The following IPO11 variants were observed in gnomAD, a reference collection of about 807,000 sequenced individuals.
IPO11 encodes the protein importin-11.
Under a neutral mutation model 143.2 loss-of-function variants are expected in IPO11, and 66 were observed. The ratio of observed to expected loss-of-function variants is 0.46; its 90% CI spans 0.38 to 0.57. IPO11 has a LOEUF of 0.57. Ranked by LOEUF, IPO11 falls within the 20% of genes least tolerant of loss-of-function variation. The pLI is 0.00. For synonymous variants in IPO11, 385 were observed against 377.8 expected (o/e 1.02, Z -0.22); for missense variants, 1,026 against 1,141.0 (o/e 0.90, Z 1.45).
At chr5:62,566,941 C>T (rs1176302133) in intron 27 of IPO11, among the ~76,000 whole-genome samples, 1 of 152,092 alleles carries the variant, frequency 6.6e-6, no homozygotes, top group Non-Finnish European at 1.5e-5. Flanking sequence ...GATCCTCCCA[C>T]CTCAGCCTCC....
chr5:62,446,291 C>T (rs987530791), intron 3 of IPO11, among the ~76,000 whole-genome samples: 2 of 152,166 alleles, frequency 1.3e-5, no homozygotes, highest in Non-Finnish European at 2.9e-5. Context: ...TTATAGCACT[C>T]CAGAAACTTT....
At chr5:62,613,532 A>G (rs916860442) in intron 29 of IPO11, among the ~76,000 whole-genome samples, 10 of 151,760 alleles carry the variant, frequency 6.6e-5, no homozygotes, top group Admixed American at 6.6e-5. Flanking sequence ...TGAACTCCCA[A>G]GCTCAGGCAA....
chr5:62,476,780 C>A, intron 9 of IPO11, 27 bp downstream of exon 9: 1 of 1,481,084 alleles, frequency 6.8e-7, no homozygotes, highest in South Asian at 1.3e-5. Context: ...CTTGTTTTCT[C>A]AAATATAATA....
chr5:62,483,059 G>C (rs747556561), intron 9 of IPO11, 42 bp from the exon 10 acceptor site: 1 of 1,236,194 alleles, frequency 8.1e-7, no homozygotes, highest in South Asian at 1.4e-5. Context: ...TATGAATTTG[G>C]GGAAAATACA....
chr5:62,550,501 T>G (rs1206864733), intron 25 of IPO11, 39 bp downstream of exon 25: 2 of 1,325,464 alleles, frequency 1.5e-6, no homozygotes, highest in Admixed American at 3.7e-5. Flanking sequence ...AGTGTTAGAC[T>G]ATAGGATTCT....
At chr5:62,538,782 C>T (rs1472832179) in intron 24 of IPO11, among the ~76,000 whole-genome samples, 2 of 152,190 alleles carry the variant, frequency 1.3e-5, no homozygotes, top group African/African-American at 2.4e-5. Flanking sequence ...ACAGTGAAAT[C>T]GCCTAATGAC....
chr5:62,454,092 A>G (rs557586841), intron 5 of IPO11, among the ~76,000 whole-genome samples: 119 of 152,258 alleles, frequency 7.8e-4, no homozygotes, highest in Admixed American at 2.3e-3. Context: ...CCGAGATTGC[A>G]CCACTGCACT....
At chr5:62,555,984 A>G (rs1743563639) in intron 26 of IPO11, among the ~76,000 whole-genome samples, 1 of 152,188 alleles carries the variant, frequency 6.6e-6, no homozygotes, top group Admixed American at 6.5e-5. Context: ...TTTTTAATTA[A>G]GAAAAAGAAA....
At chr5:62,469,051 TATG>T (rs1233222625) in intron 6 of IPO11, among the ~76,000 whole-genome samples, 1 of 152,196 alleles carries the variant, frequency 6.6e-6, no homozygotes, top group South Asian at 2.1e-4. Context: ...ACAGAGGCTT[TATG>T]ATATTATGAT....
rs563865716 is a variant in IPO11 at position 62,626,131 on chromosome 5, G to T, written c.2764-1023G>T. ...TGCAACCTCCGCATCCCAGATTCAG[G>T]CGATTCTCCTGCCTCAGCCTCCCAA... On this transcript the variant is annotated intron_variant, in intron 29 of 29. Transcript: ENST00000325324. Among the ~76,000 whole-genome samples, 4 of 152,202 alleles carry T rather than the reference G, an allele frequency of 2.6e-5. No homozygotes were observed. The East Asian group carries it at 7.7e-4, about 29-fold the overall frequency.
rs187625 is a variant in IPO11 at position 62,543,662 on chromosome 5, G to T, written c.2250+6373G>T. On this transcript the variant is annotated intron_variant, in intron 24 of 29. Coordinates refer to ENST00000325324, the MANE Select transcript of IPO11 (RefSeq NM_016338.5). The stretch of plus-strand genomic sequence containing the variant: ...CTCCTGGATTTATTGATTTTTTGAA[G>T]GGTTTTTTGTGTCTCTATTTCCTTC... Among the ~76,000 whole-genome samples the T allele has an allele frequency of 1.4e-3, 215 of 152,148 alleles. 7 individuals are homozygous for T. In the East Asian group the frequency reaches 0.038, roughly 27 times the overall value.
At chr5:62,450,049 C>A in intron 4 of IPO11, 50 bp downstream of exon 4, 1 of 1,176,566 alleles carries the variant, frequency 8.5e-7, no homozygotes, top group Non-Finnish European at 1.2e-6. Flanking sequence ...ACTGCTTTTC[C>A]AAACTAATTT....
chr5:62,459,919 GGT>G (rs1300394213), intron 5 of IPO11, among the ~76,000 whole-genome samples: 1 of 152,142 alleles, frequency 6.6e-6, no homozygotes, highest in Non-Finnish European at 1.5e-5. Flanking sequence ...TAAGAATACA[GGT>G]GTTTTTAAAA....
chr5:62,541,459 C>G (rs1009805055), intron 24 of IPO11, among the ~76,000 whole-genome samples: 1 of 151,874 alleles, frequency 6.6e-6, no homozygotes, highest in African/African-American at 2.4e-5. Context: ...GCAGGCGGAT[C>G]ACTTGATCTC....
intron 16 of IPO11, among the ~76,000 whole-genome samples, chr5:62,499,518 T>C (rs2112252435): frequency 6.6e-6 from 1 of 151,844 alleles, no homozygotes; most frequent in South Asian, 2.1e-4. Flanking sequence ...ACACTAAATA[T>C]ATTGGGAAAT....
chr5:62,445,273 T>C (rs184107471), intron 3 of IPO11, among the ~76,000 whole-genome samples: 26 of 152,266 alleles, frequency 1.7e-4, no homozygotes, highest in African/African-American at 6.3e-4. Context: ...TTGTTACCAT[T>C]ACCATATACA....
intron 1 of IPO11, among the ~76,000 whole-genome samples, chr5:62,419,898 G>T (rs1206747304): frequency 6.6e-6 from 1 of 152,082 alleles, no homozygotes; most frequent in African/African-American, 2.4e-5. Context: ...CTATTCAGGA[G>T]GCTGAGGTGG....
intron 10 of IPO11, 130 bp from the exon 11 acceptor site, chr5:62,483,880 T>TA (rs1321009766): frequency 1.3e-6 from 1 of 761,298 alleles, no homozygotes; most frequent in Non-Finnish European, 2.1e-6. Context: ...TTGTTTATAA[T>TA]AAAAATGAAA....
At chr5:62,525,508 T>C (rs922372603) in intron 20 of IPO11, among the ~76,000 whole-genome samples, 2 of 152,116 alleles carry the variant, frequency 1.3e-5, no homozygotes, top group African/African-American at 2.4e-5. Flanking sequence ...CTCAGTCTCC[T>C]GAGTAGCTGG....
Sources: allele counts gnomAD v4.1 joint callset (sites outside exome capture counted in the v4.1 genomes callset), GRCh38; gene constraint gnomAD v4.1.1; transcripts MANE v1.5; gene names NCBI Gene and HGNC (gene_info 2026-07-23, HGNC 2026-07-21).